Variants in ZNF385D observed in about 807,000 individuals in gnomAD.
The protein encoded by ZNF385D is zinc finger protein 385D, also known as zinc finger protein 659.
Under a neutral mutation model 35.8 loss-of-function variants are expected in ZNF385D, and 15 were observed. The observed-to-expected ratio is 0.42, with a 90% confidence interval of 0.28 to 0.64. The LOEUF is 0.64. Among genes scored for constraint, ZNF385D ranks in the 30% least tolerant of loss-of-function variants. ZNF385D has a pLI of 0.23. For missense variants in ZNF385D, 474 were observed against 494.6 expected, an observed-to-expected ratio of 0.96 and a Z score of 0.39; for synonymous variants, 212 against 186.8, an observed-to-expected ratio of 1.13 and a Z score of -1.10.
chr3:21,942,095 C>G (rs1701549939), intron 3 of ZNF385D, among the ~76,000 whole-genome samples: 1 of 151,630 alleles, frequency 6.6e-6, no homozygotes, highest in African/African-American at 2.4e-5. Context: ...CATGACAAAA[C>G]AGTAACACTT....
At chr3:22,082,540 G>C (rs999860230) in intron 3 of ZNF385D, among the ~76,000 whole-genome samples, 1 of 152,184 alleles carries the variant, frequency 6.6e-6, no homozygotes, top group Admixed American at 6.5e-5. Flanking sequence ...GGTAAACAAA[G>C]TGGTTGGGAA....
intron 2 of ZNF385D, among the ~76,000 whole-genome samples, chr3:22,193,008 A>G (rs182823714): frequency 1.6e-4 from 24 of 152,274 alleles, no homozygotes; most frequent in Non-Finnish European, 2.6e-4. Context: ...TCTTTCCACC[A>G]TGACTCCACG....
intron 3 of ZNF385D, among the ~76,000 whole-genome samples, chr3:21,939,106 A>G (rs1421948588): frequency 6.6e-6 from 1 of 152,202 alleles, no homozygotes; most frequent in Admixed American, 6.5e-5. Context: ...GTCGGTAAAG[A>G]CAAAGACAAG....
chr3:21,857,504 G>C (rs1166766031), intron 3 of ZNF385D, among the ~76,000 whole-genome samples: 1 of 151,954 alleles, frequency 6.6e-6, no homozygotes, highest in East Asian at 2.0e-4. Context: ...ATTAACAAGG[G>C]ATTTGTGGTA....
intron 3 of ZNF385D, among the ~76,000 whole-genome samples, chr3:22,103,971 A>G (rs1702074621): frequency 6.6e-6 from 1 of 152,178 alleles, no homozygotes; most frequent in Admixed American, 6.6e-5. Flanking sequence ...AAAAGCCAGC[A>G]GCATGAGAAA....
intron 3 of ZNF385D, among the ~76,000 whole-genome samples, chr3:21,859,857 C>G (rs972129548): frequency 6.6e-6 from 1 of 150,708 alleles, no homozygotes; most frequent in African/African-American, 2.4e-5. Context: ...ATTGTGTATT[C>G]AAAGGCTCAG....
At chr3:21,815,294 CAG>C (rs1321982938) in intron 3 of ZNF385D, among the ~76,000 whole-genome samples, 4 of 152,094 alleles carry the variant, frequency 2.6e-5, no homozygotes, top group Non-Finnish European at 4.4e-5. Flanking sequence ...CAAGAGCAAA[CAG>C]ATTCAAAAGC....
chr3:21,437,621 C>T (rs1390994951), intron 4 of ZNF385D, among the ~76,000 whole-genome samples: 6 of 137,898 alleles, frequency 4.4e-5, no homozygotes, highest in Non-Finnish European at 9.1e-5. Flanking sequence ...TTCTTTACTA[C>T]TTATCTATTT....
At chr3:21,981,652 G>A (rs1173507980) in intron 3 of ZNF385D, among the ~76,000 whole-genome samples, 3 of 151,960 alleles carry the variant, frequency 2.0e-5, no homozygotes, top group Non-Finnish European at 4.4e-5. Context: ...CTATGTCCAG[G>A]GTGGTATTGC....
At chr3:21,863,213 C>G (rs1433840787) in intron 3 of ZNF385D, among the ~76,000 whole-genome samples, 5 of 152,068 alleles carry the variant, frequency 3.3e-5, no homozygotes, top group African/African-American at 1.2e-4. Context: ...AGAGCTAAAA[C>G]AATATACTGA....
intron 3 of ZNF385D, among the ~76,000 whole-genome samples, chr3:22,032,072 C>T (rs1230739870): frequency 6.6e-6 from 1 of 152,226 alleles, no homozygotes; most frequent in African/African-American, 2.4e-5. Flanking sequence ...CAATAAGTTC[C>T]TCATCTCCAT....
intron 2 of ZNF385D, among the ~76,000 whole-genome samples, chr3:22,240,963 T>C (rs185109389): frequency 3.5e-4 from 53 of 151,178 alleles, no homozygotes; most frequent in African/African-American, 1.2e-3. Context: ...TCTACATCTC[T>C]GGCTTCTATC....
rs1251112127 is a variant in ZNF385D at position 22,214,371 on chromosome 3, G to A, written c.107-45336C>T. On this transcript the variant is annotated intron_variant, in intron 2 of 5. Coordinates refer to the ZNF385D transcript ENST00000494108. The stretch of plus-strand genomic sequence containing the variant: ...CATTAACTGCACAAATTGTTTGTAG[G>A]GCATGTGTGTTTGAACAATATGAAA... Among the ~76,000 whole-genome samples the A allele has an allele frequency of 2.6e-5, 4 of 151,946 alleles. 1 individual carries two copies. Among genetic ancestry groups the A allele is most frequent in the South Asian group, 4.1e-4 (2 of 4,820 alleles).
intron 3 of ZNF385D, among the ~76,000 whole-genome samples, chr3:21,874,581 G>A (rs1045024659): frequency 7.2e-5 from 11 of 151,988 alleles, no homozygotes; most frequent in Non-Finnish European, 1.5e-4. Context: ...CTTTAAAATG[G>A]CACCATACTC....
At chr3:22,091,578 T>C (rs571837030) in intron 3 of ZNF385D, among the ~76,000 whole-genome samples, 2 of 140,362 alleles carry the variant, frequency 1.4e-5, no homozygotes, top group Non-Finnish European at 3.1e-5. Flanking sequence ...TATTGTTTTA[T>C]CTACCCAGTA....
intron 4 of ZNF385D, among the ~76,000 whole-genome samples, chr3:21,447,001 T>G (rs1447505332): frequency 6.6e-6 from 1 of 152,172 alleles, no homozygotes; most frequent in Non-Finnish European, 1.5e-5. Context: ...ATTTTCCACT[T>G]TGTTCACAGA....
At chr3:21,760,273 T>C (rs142581298) in intron 3 of ZNF385D, among the ~76,000 whole-genome samples, 16 of 152,296 alleles carry the variant, frequency 1.1e-4, no homozygotes, top group African/African-American at 3.8e-4. Context: ...AACTGCAGCG[T>C]TACCCAAAGG....
At chr3:21,581,974 A>G (rs2063681851) in intron 2 of ZNF385D, among the ~76,000 whole-genome samples, 1 of 152,184 alleles carries the variant, frequency 6.6e-6, no homozygotes, top group South Asian at 2.1e-4. Flanking sequence ...TTTTTTTACC[A>G]GATGTTTCCA....
At chr3:22,033,964 A>G (rs1459443542) in intron 3 of ZNF385D, among the ~76,000 whole-genome samples, 1 of 152,224 alleles carries the variant, frequency 6.6e-6, no homozygotes, top group Non-Finnish European at 1.5e-5. Flanking sequence ...TTTCTCCAGG[A>G]AACCTGAGAC....
Sources: gnomAD v4.1 joint callset for allele counts (sites outside exome capture counted in the v4.1 genomes callset) on GRCh38, gnomAD v4.1.1 for gene constraint, MANE v1.5 for transcripts, NCBI Gene and HGNC (gene_info 2026-07-23, HGNC 2026-07-21) for gene names.